TTBK2: variants seen among roughly 807,000 people sequenced by gnomAD.
The protein encoded by TTBK2 is tau tubulin kinase 2.
TTBK2 carries 28 observed loss-of-function variants against 110.8 expected under a neutral mutation model. That is an observed-to-expected ratio of 0.25 (90% CI 0.19 to 0.35). TTBK2 has a LOEUF of 0.35. Among genes scored for constraint, TTBK2 ranks in the 10% least tolerant of loss-of-function variants. The pLI, the probability that TTBK2 is intolerant of heterozygous loss-of-function variation, is 1.00. For synonymous variants in TTBK2, 532 were observed against 527.3 expected, an observed-to-expected ratio of 1.01 and a Z score of -0.12; for missense variants, 1,369 against 1,500.3, an observed-to-expected ratio of 0.91 and a Z score of 1.45.
At chr15:42,910,469 A>G (rs903289930) in intron 1 of TTBK2, among the ~76,000 whole-genome samples, 1 of 152,212 alleles carries the variant, frequency 6.6e-6, no homozygotes, top group Non-Finnish European at 1.5e-5. Flanking sequence ...CTTTCACTAA[A>G]TGAAATATCT....
intron 10 of TTBK2, among the ~76,000 whole-genome samples, chr15:42,793,838 T>TAA (rs1174807124): frequency 7.0e-6 from 1 of 143,148 alleles, no homozygotes. Context: ...ACTCCATGTT[T>TAA]AAAAAAAAAA....
Position 42,872,904 on chromosome 15 carries a change from A to G in TTBK2, c.70-146T>C, listed in dbSNP as rs1432958064. 6 of 1,031,934 alleles carry G rather than the reference A, an allele frequency of 5.8e-6. No homozygotes were observed. In the Admixed American group the frequency reaches 1.7e-4, roughly 29 times the overall value. 63.9% of individuals were successfully genotyped at this position (1,031,934 alleles called of 1,614,324 possible). A position where few individuals can be genotyped will look rare whatever the true frequency, so the allele number is the denominator to read the frequency against. ...AAATATTGTTAAATTAACTATGTAT[A>G]TGCCAAGAAGAAAACATATGCCTGA... is the stretch of plus-strand genomic sequence containing the variant. On this transcript the variant is annotated intron_variant, in intron 2 of 14. Transcript: ENST00000267890.
At chr15:42,787,927 G>A (rs193153320) in intron 10 of TTBK2, among the ~76,000 whole-genome samples, 7 of 151,976 alleles carry the variant, frequency 4.6e-5, no homozygotes, top group African/African-American at 1.2e-4. Context: ...ATATTGTATA[G>A]CCTATTACGT....
intron 3 of TTBK2, among the ~76,000 whole-genome samples, chr15:42,869,034 T>C (rs564214376): frequency 3.3e-5 from 5 of 152,252 alleles, no homozygotes; most frequent in South Asian, 4.1e-4. Flanking sequence ...TTACTAGTGA[T>C]CAGATTTGAA....
At chr15:42,870,658 C>T (rs1393214408) in intron 3 of TTBK2, among the ~76,000 whole-genome samples, 1 of 151,626 alleles carries the variant, frequency 6.6e-6, no homozygotes, top group East Asian at 1.9e-4. Flanking sequence ...GTCAAGAGAT[C>T]GAGACCATCC....
At chr15:42,800,466 C>T (rs1025344970) in intron 9 of TTBK2, among the ~76,000 whole-genome samples, 2 of 152,168 alleles carry the variant, frequency 1.3e-5, no homozygotes, top group Non-Finnish European at 2.9e-5. Context: ...TCTGCCCTTT[C>T]AAAGAGAGTG....
chr15:42,889,901 G>A (rs969407111), intron 1 of TTBK2, among the ~76,000 whole-genome samples: 26 of 151,664 alleles, frequency 1.7e-4, no homozygotes, highest in African/African-American at 5.3e-4. Context: ...AAAATTTTTC[G>A]CCACTCCAAC....
At chr15:42,777,440 T>G (rs1015638153) in intron 11 of TTBK2, among the ~76,000 whole-genome samples, 198 bp from the exon 12 acceptor site, 7 of 152,230 alleles carry the variant, frequency 4.6e-5, no homozygotes, top group Admixed American at 3.3e-4. Context: ...TATACTCAGT[T>G]TCAGTATTAT....
intron 1 of TTBK2, among the ~76,000 whole-genome samples, chr15:42,888,012 G>A (rs983583868): frequency 6.6e-6 from 1 of 151,974 alleles, no homozygotes; most frequent in East Asian, 1.9e-4. Context: ...TCCTTCCTAG[G>A]CATGGTTAGT....
At chr15:42,807,653 T>A (rs1376607216) in intron 9 of TTBK2, among the ~76,000 whole-genome samples, 1 of 151,984 alleles carries the variant, frequency 6.6e-6, no homozygotes, top group Non-Finnish European at 1.5e-5. Flanking sequence ...CCCAGGCTGG[T>A]CTCAAACTCC....
At chr15:42,746,790 G>A (rs1169120424) in intron 14 of TTBK2, among the ~76,000 whole-genome samples, 1 of 151,878 alleles carries the variant, frequency 6.6e-6, no homozygotes, top group Admixed American at 6.6e-5. Context: ...TCAGCAACAG[G>A]AGGAACTACA....
intron 3 of TTBK2, among the ~76,000 whole-genome samples, chr15:42,852,430 C>T (rs1893756711): frequency 6.6e-6 from 1 of 152,164 alleles, no homozygotes; most frequent in Non-Finnish European, 1.5e-5. Context: ...CATTACAATA[C>T]AATGGGTATA....
rs2061871525 is a variant in TTBK2, at chr15:42,751,957, A to T, written c.3272+17T>A. On this transcript the variant is annotated intron_variant, in intron 14 of 14. Transcript: ENST00000267890. The stretch of plus-strand genomic sequence containing the variant: ...ATGGTGTTACACACTTAACACAGGG[A>T]GAGCACACAGCATTACCTGGCTTCT... The T allele has an allele frequency of 6.2e-7, 1 of 1,614,080 alleles. No individual in the cohort carries two copies. Among genetic ancestry groups the T allele is most frequent in the Non-Finnish European group, 8.5e-7 (1 of 1,179,986 alleles).
intron 1 of TTBK2, among the ~76,000 whole-genome samples, chr15:42,900,253 A>G (rs576224154): frequency 5.8e-4 from 88 of 152,082 alleles, no homozygotes; most frequent in Non-Finnish European, 1.1e-3. Flanking sequence ...CAGCCTCCCA[A>G]AGTGCTGGGA....
chr15:42,902,808 C>T (rs1050764004), intron 1 of TTBK2, among the ~76,000 whole-genome samples: 3 of 151,974 alleles, frequency 2.0e-5, no homozygotes, highest in Admixed American at 6.6e-5. Flanking sequence ...GCCTGGGCAA[C>T]GTGGCAAAAC....
intron 4 of TTBK2, 80 bp from the exon 5 acceptor site, chr15:42,830,158 C>T: frequency 1.3e-6 from 2 of 1,539,306 alleles, no homozygotes; most frequent in Non-Finnish European, 1.8e-6. Context: ...ACTCACTTAC[C>T]ATTAAAAGAT....
intron 9 of TTBK2, among the ~76,000 whole-genome samples, chr15:42,806,135 T>C (rs1891458363): frequency 6.6e-6 from 1 of 152,122 alleles, no homozygotes; most frequent in South Asian, 2.1e-4. Flanking sequence ...CATGGTGGCA[T>C]GTGCCTGTGG....
At chr15:42,777,874 G>C (rs543166418) in intron 11 of TTBK2, among the ~76,000 whole-genome samples, 1 of 152,226 alleles carries the variant, frequency 6.6e-6, no homozygotes, top group South Asian at 2.1e-4. Context: ...TCTGATTAGA[G>C]ACCCTCAAGA....
At position 42,754,047 on chromosome 15, in the gene TTBK2, A is replaced by G. The variant is rs7163870; in HGVS notation, c.1999-800T>C. On this transcript the variant is annotated intron_variant, in intron 13 of 14. Coordinates refer to ENST00000267890, the MANE Select transcript of TTBK2 (RefSeq NM_173500.4). ...TCTTCCTACAAGTAAAGACATACAA[A>G]GGTATTTACTAATGTTTCATGATTT... is the stretch of plus-strand genomic sequence containing the variant. Among the ~76,000 whole-genome samples the G allele has an allele frequency of 9.1e-3, 1,389 of 152,034 alleles. 18 individuals are homozygous for G. Among genetic ancestry groups the G allele is most frequent in the African/African-American group, 0.032 (1,324 of 41,440 alleles).
Sources: gnomAD v4.1 joint callset for allele counts (sites outside exome capture counted in the v4.1 genomes callset) on GRCh38, gnomAD v4.1.1 for gene constraint, MANE v1.5 for transcripts, NCBI Gene and HGNC (gene_info 2026-07-23, HGNC 2026-07-21) for gene names.